EYS: variants seen among roughly 807,000 people sequenced by gnomAD.
EYS encodes the protein EGF-like photoreceptor maintenance factor, also known as protein eyes shut homolog.
EYS carries 250 observed loss-of-function variants against 282.1 expected under a neutral mutation model. The observed-to-expected ratio is 0.89, with a 90% CI of 0.80 to 0.98. The LOEUF is 0.98. Among genes scored for constraint, EYS ranks in the 50% least tolerant of loss-of-function variants. The pLI is 0.00. For synonymous variants in EYS, 1,355 were observed against 1,282.9 expected (o/e 1.06, Z -1.20); for missense variants, 4,016 against 3,709.0 (o/e 1.08, Z -2.15).
intron 36 of EYS, among the ~76,000 whole-genome samples, chr6:63,842,881 TGTTTGTGTTAG>T (rs1196839052): frequency 3.3e-5 from 5 of 152,208 alleles, no homozygotes; most frequent in Non-Finnish European, 7.3e-5. Context: ...CCCCATTGCT[TGTTTGTGTTAG>T]GTTTGTCAAA....
chr6:64,658,133 C>T (rs1278585445), intron 22 of EYS, among the ~76,000 whole-genome samples: 2 of 152,190 alleles, frequency 1.3e-5, no homozygotes, highest in East Asian at 1.9e-4. Context: ...ACCCTTTCTT[C>T]CAGTTAACAA....
intron 7 of EYS, 139 bp from the exon 8 acceptor site, chr6:65,384,639 T>G: frequency 1.7e-6 from 1 of 588,486 alleles, no homozygotes; most frequent in South Asian, 2.1e-5. Context: ...ATACCTGTGA[T>G]CTTAGCCAAA....
chr6:64,288,951 CA>C (rs1291169951), intron 30 of EYS, among the ~76,000 whole-genome samples: 10 of 151,814 alleles, frequency 6.6e-5, no homozygotes, highest in Admixed American at 6.6e-4. Context: ...TTTTCTTATT[CA>C]AAAAACCTCC....
chr6:65,693,708 T>C (rs1769330995), intron 1 of EYS, among the ~76,000 whole-genome samples: 1 of 150,144 alleles, frequency 6.7e-6, no homozygotes, highest in African/African-American at 2.4e-5. Context: ...GAACTTGCTT[T>C]TATGCATCTG....
At chr6:65,035,069 A>T (rs1361795049) in intron 13 of EYS, among the ~76,000 whole-genome samples, 1 of 152,186 alleles carries the variant, frequency 6.6e-6, no homozygotes, top group Non-Finnish European at 1.5e-5. Flanking sequence ...TATGCCAATC[A>T]ATACATGGAA....
rs556671009 is a variant in EYS at position 64,081,983 on chromosome 6, T to C, written c.6444A>G (p.Pro2148=). 2.0e-4 allele frequency: 314 copies of C among 1,543,380 alleles called. 5 individuals carry two copies. In the South Asian group the frequency reaches 3.6e-3, roughly 18 times the overall value. ...FCEKDAGLFF[P]SFNGNSYLEL... is the part of the protein sequence containing the mutation. ...CTAAATAGGAATTCCCATTGAAAGA[T>C]GGAAAGAATAAACCTGCATCTAAAA... Residue 2148 remains proline, a synonymous_variant, in exon 32 of 43, where the codon CCA becomes CCG. Coordinates refer to ENST00000503581, the MANE Select transcript of EYS (RefSeq NM_001142800.2).
chr6:65,417,139 T>A (rs1297378644), intron 5 of EYS, among the ~76,000 whole-genome samples: 1 of 151,846 alleles, frequency 6.6e-6, no homozygotes, highest in African/African-American at 2.4e-5. Context: ...GCTGTAGTAG[T>A]ATTCATTGTA....
chr6:64,194,062 C>T (rs1012998232), intron 31 of EYS, among the ~76,000 whole-genome samples: 4 of 151,928 alleles, frequency 2.6e-5, no homozygotes, highest in East Asian at 1.9e-4. Context: ...TTAGTAGAGA[C>T]GGGGTTTCAC....
chr6:65,019,449 G>T (rs1772171790), intron 13 of EYS, among the ~76,000 whole-genome samples: 1 of 152,098 alleles, frequency 6.6e-6, no homozygotes, highest in Admixed American at 6.6e-5. Context: ...ACCCTTGCTT[G>T]ATCCTTAAGT....
At chr6:64,827,899 A>G (rs1038720546) in intron 19 of EYS, among the ~76,000 whole-genome samples, 3 of 151,920 alleles carry the variant, frequency 2.0e-5, no homozygotes, top group African/African-American at 7.2e-5. Flanking sequence ...TGTAAAAAAA[A>G]TCCAGAAACA....
intron 33 of EYS, among the ~76,000 whole-genome samples, chr6:64,060,307 TTGAA>T (rs1293606341): frequency 6.6e-6 from 1 of 152,144 alleles, no homozygotes; most frequent in African/African-American, 2.4e-5. Flanking sequence ...TTAAATGAAA[TTGAA>T]TGGTCTCTTG....
intron 5 of EYS, among the ~76,000 whole-genome samples, chr6:65,458,074 T>A (rs1309784499): frequency 6.6e-6 from 1 of 152,188 alleles, no homozygotes; most frequent in Non-Finnish European, 1.5e-5. Flanking sequence ...AACATGTATC[T>A]ATCATTGTCT....
chr6:65,699,794 G>T (rs557411756), intron 1 of EYS, among the ~76,000 whole-genome samples: 1 of 152,252 alleles, frequency 6.6e-6, no homozygotes, highest in Admixed American at 6.5e-5. Flanking sequence ...AACCAACCAA[G>T]CTGAGTTTGG....
intron 7 of EYS, among the ~76,000 whole-genome samples, chr6:65,391,875 C>A (rs1175155626): frequency 1.3e-5 from 2 of 152,198 alleles, no homozygotes; most frequent in African/African-American, 2.4e-5. Context: ...CAATCCTAAG[C>A]CAAAAGAACA....
intron 1 of EYS, among the ~76,000 whole-genome samples, chr6:65,655,478 T>C (rs1025115931): frequency 2.0e-5 from 3 of 151,692 alleles, no homozygotes; most frequent in African/African-American, 4.8e-5. Context: ...CCCCTTGAAA[T>C]GGTACAATGA....
chr6:65,130,255 A>G (rs959271262), intron 12 of EYS, among the ~76,000 whole-genome samples: 1 of 151,922 alleles, frequency 6.6e-6, no homozygotes, highest in African/African-American at 2.4e-5. Context: ...AAACCTTAGC[A>G]TTATGCAATA....
At chr6:64,483,493 G>C (rs1776495285) in intron 26 of EYS, among the ~76,000 whole-genome samples, 1 of 151,650 alleles carries the variant, frequency 6.6e-6, no homozygotes, top group Non-Finnish European at 1.5e-5. Context: ...CTTCTCACTA[G>C]GGAAGAGGAA....
intron 22 of EYS, among the ~76,000 whole-genome samples, chr6:64,678,913 G>A (rs1014982937): frequency 6.6e-6 from 1 of 151,620 alleles, no homozygotes; most frequent in Non-Finnish European, 1.5e-5. Flanking sequence ...CTAGAACCTG[G>A]GAGGCAGAGG....
chr6:64,372,895 T>C (rs1163844879), intron 29 of EYS, among the ~76,000 whole-genome samples: 2 of 152,188 alleles, frequency 1.3e-5, no homozygotes, highest in African/African-American at 4.8e-5. Context: ...ATTTTTCTAG[T>C]GTGTTTTTCT....
Sources: allele counts gnomAD v4.1 joint callset (sites outside exome capture counted in the v4.1 genomes callset), GRCh38; gene constraint gnomAD v4.1.1; transcripts MANE v1.5; gene names NCBI Gene and HGNC (gene_info 2026-07-23, HGNC 2026-07-21).